The following PSEN2 variants were observed in gnomAD, a reference collection of about 807,000 sequenced individuals.
PSEN2 encodes presenilin-2.
A neutral mutation model predicts 49.1 loss-of-function variants in PSEN2; 32 were observed. The ratio of observed to expected loss-of-function variants is 0.65; its 90% CI spans 0.49 to 0.88. PSEN2 has a LOEUF of 0.88. Among genes scored for constraint, PSEN2 ranks in the 40% least tolerant of loss-of-function variants. The probability of loss-of-function intolerance (pLI) is 0.00; values close to 1 mark genes in which losing one functional copy is unlikely to be tolerated. For missense variants in PSEN2, 522 were observed against 586.9 expected (o/e 0.89, Z 1.14); for synonymous variants, 255 against 244.0 (o/e 1.05, Z -0.42).
intron 12 of PSEN2, among the ~76,000 whole-genome samples, chr1:226,902,533 C>T (rs1450961622): frequency 1.3e-5 from 2 of 152,112 alleles, no homozygotes; most frequent in African/African-American, 4.8e-5. Context: ...AGTACCTGAT[C>T]CTGTACCATC....
chr1:226,877,959 G>T (rs1184957158), intron 3 of PSEN2, among the ~76,000 whole-genome samples: 2 of 152,204 alleles, frequency 1.3e-5, no homozygotes, highest in African/African-American at 4.8e-5. Flanking sequence ...GTCTAGCGCA[G>T]TGTCACATGG....
At chr1:226,889,197 T>G in intron 8 of PSEN2, 148 bp downstream of exon 8, 2 of 711,258 alleles carry the variant, frequency 2.8e-6, no homozygotes, top group South Asian at 3.7e-5. Flanking sequence ...AGAGTCGCCT[T>G]TGTAAAACAG....
At chr1:226,874,481 T>C (rs1660502734) in intron 2 of PSEN2, among the ~76,000 whole-genome samples, 1 of 152,194 alleles carries the variant, frequency 6.6e-6, no homozygotes, top group Admixed American at 6.5e-5. Flanking sequence ...CATTTGATAA[T>C]ATGTTTACGT....
At chr1:226,901,230 G>C (rs1264490944), downstream of PSEN2, among the ~76,000 whole-genome samples, 2 of 152,160 alleles carry the variant, frequency 1.3e-5, no homozygotes, top group African/African-American at 2.4e-5. Context: ...GAGGTCAGGA[G>C]TTCGAGACCA....
chr1:226,891,139 C>A, intron 9 of PSEN2, 139 bp from the exon 10 acceptor site: 1 of 723,062 alleles, frequency 1.4e-6, no homozygotes, highest in African/African-American at 1.7e-5. Flanking sequence ...GGCCTCCTAA[C>A]AATGGAGCAT....
chr1:226,895,710 G>C lies in PSEN2; in HGVS notation c.*131G>C. ...AAAAAATAAAGTACGTGTTTACTTG[G>C]TGAGGAGGAGGCAGAACCAGCTCTT... is the stretch of plus-strand genomic sequence containing the variant. On this transcript the variant is annotated 3_prime_UTR_variant, in exon 13 of 13. Transcript: ENST00000366783. 8.6e-7 allele frequency: 1 copy of C among 1,167,122 alleles called. No homozygotes were observed. The highest frequency in any genetic ancestry group is 1.5e-5 in the South Asian group (1 of 67,378). 72.3% of individuals were successfully genotyped at this position (1,167,122 alleles called of 1,614,324 possible). A position where few individuals can be genotyped will look rare whatever the true frequency, so the allele number is the denominator to read the frequency against.
chr1:226,889,279 TA>T (rs1404875482), intron 8 of PSEN2, among the ~76,000 whole-genome samples: 15 of 151,856 alleles, frequency 9.9e-5, no homozygotes, highest in African/African-American at 3.6e-4. Context: ...GCTCCTCATT[TA>T]CTTTTTTTTT....
At chr1:226,889,077 C>T (rs768941393) in intron 8 of PSEN2, 28 bp downstream of exon 8, 2 of 1,594,592 alleles carry the variant, frequency 1.3e-6, no homozygotes, top group Non-Finnish European at 1.7e-6. Flanking sequence ...CTGGTGGGGG[C>T]AGTGGGGGCG....
chr1:226,895,283 C>A, intron 12 of PSEN2, 141 bp from the exon 13 acceptor site: 2 of 914,890 alleles, frequency 2.2e-6, no homozygotes, highest in Non-Finnish European at 3.5e-6. Context: ...TGTTGCAGGA[C>A]CAGGGAAGAT....
intron 6 of PSEN2, among the ~76,000 whole-genome samples, chr1:226,886,355 A>T (rs1661363585): frequency 2.0e-5 from 3 of 152,098 alleles, no homozygotes; most frequent in South Asian, 4.2e-4. Flanking sequence ...TCGGGCAAGG[A>T]TGTGCAGAGG....
At chr1:226,896,887 T>C (rs2102701030), downstream of PSEN2, among the ~76,000 whole-genome samples, 1 of 152,244 alleles carries the variant, frequency 6.6e-6, no homozygotes, top group Admixed American at 6.5e-5. Context: ...GGTACCCCTG[T>C]CTCCCTGTTC....
chr1:226,880,595 C>CGATCACTCAGCCTCTGGACAGT lies in PSEN2; in HGVS notation c.-20-1272_-20-1271insTGATCACTCAGCCTCTGGACAG, dbSNP rs1571945077. ...CAGCGATCACTCAGCCTCTGGACAG[C>CGATCACTCAGCCTCTGGACAGT]GATCACTCAGCCTCTGGACAGCGAT... On this transcript the variant is annotated intron_variant, in intron 3 of 12. Coordinates refer to ENST00000366783, the MANE Select transcript of PSEN2 (RefSeq NM_000447.3). 5.0e-6 allele frequency: 8 copies of CGATCACTCAGCCTCTGGACAGT among 1,610,794 alleles called. No individual in the cohort carries two copies. The East Asian group carries it at 8.9e-5, about 18-fold the overall frequency.
At chr1:226,889,433 C>T (rs1478915323) in intron 8 of PSEN2, among the ~76,000 whole-genome samples, 13 of 152,262 alleles carry the variant, frequency 8.5e-5, no homozygotes, top group African/African-American at 2.9e-4. Flanking sequence ...TGTGCCACCA[C>T]GCTGGGCTAA....
intron 12 of PSEN2, among the ~76,000 whole-genome samples, 189 bp downstream of exon 12, chr1:226,894,314 A>C (rs1661971493): frequency 6.6e-6 from 1 of 152,180 alleles, no homozygotes; most frequent in South Asian, 2.1e-4. Flanking sequence ...GCTCGCCCCT[A>C]GGTGGGCTCC....
At chr1:226,897,652 C>CTGG (rs1165532227), downstream of PSEN2, 1 of 155,264 alleles carries the variant, frequency 6.4e-6, no homozygotes, top group African/African-American at 2.4e-5. Context: ...GAGCAGGGTA[C>CTGG]TGGTGTTCAA....
At chr1:226,885,310 T>G (rs1419663112) in intron 5 of PSEN2, among the ~76,000 whole-genome samples, 1 of 152,084 alleles carries the variant, frequency 6.6e-6, no homozygotes, top group Non-Finnish European at 1.5e-5. Context: ...ACTGCTGCAC[T>G]GGGCCCAGTT....
chr1:226,884,435 A>G (rs1355964580), intron 5 of PSEN2, among the ~76,000 whole-genome samples: 1 of 152,190 alleles, frequency 6.6e-6, no homozygotes, highest in Non-Finnish European at 1.5e-5. Context: ...CGTTTATTTT[A>G]GTAAAATACA....
rs572118237 is a variant in PSEN2 at position 226,891,939 on chromosome 1, GA to G, written c.1072+96del. 1.9e-5 allele frequency: 22 copies of G among 1,144,052 alleles called. No homozygotes were observed. In the East Asian group the frequency reaches 5.3e-4, roughly 27 times the overall value. The allele number at this position is 1,144,052 out of a possible 1,614,324, so 70.9% of individuals were successfully genotyped here. ...CTGCAGCCTGGGTGGAGGAGGGCAT[GA>G]GGGGAGGGGCCCCTTTTCCCATCAG... On this transcript the variant is annotated intron_variant, in intron 11 of 12. Coordinates refer to ENST00000366783, the MANE Select transcript of PSEN2 (RefSeq NM_000447.3).
intron 12 of PSEN2, among the ~76,000 whole-genome samples, chr1:226,902,443 GAGAGA>G (rs1207337759): frequency 5.9e-5 from 9 of 152,236 alleles, no homozygotes; most frequent in African/African-American, 2.2e-4. Flanking sequence ...GGGGAGGATG[GAGAGA>G]AGAGAGGAGG....
Sources: allele counts gnomAD v4.1 joint callset (sites outside exome capture counted in the v4.1 genomes callset), GRCh38; gene constraint gnomAD v4.1.1; transcripts MANE v1.5; gene names NCBI Gene and HGNC (gene_info 2026-07-23, HGNC 2026-07-21).